PRIM2: variants seen among roughly 807,000 people sequenced by gnomAD.
PRIM2 encodes the protein DNA primase subunit 2.
Under a neutral mutation model 67.3 loss-of-function variants are expected in PRIM2, and 39 were observed. The ratio of observed to expected loss-of-function variants is 0.58; its 90% CI spans 0.45 to 0.76. PRIM2 has a LOEUF of 0.76. Among genes scored for constraint, PRIM2 ranks in the 30% least tolerant of loss-of-function variants. PRIM2 has a pLI of 0.00. For synonymous variants in PRIM2, 143 were observed against 198.7 expected, an observed-to-expected ratio of 0.72 and a Z score of 2.36; for missense variants, 398 against 598.7, an observed-to-expected ratio of 0.66 and a Z score of 3.50.
At chr6:57,296,148 C>T in the PRIM2 span, among the ~76,000 whole-genome samples, 1 of 152,116 alleles carries the variant, frequency 6.6e-6, no homozygotes, top group African/African-American at 2.4e-5. Context: ...AAGAACAAAT[C>T]TCAATAACTC....
intron 7 of PRIM2, among the ~76,000 whole-genome samples, chr6:57,401,091 T>C (rs1770691056): frequency 6.6e-6 from 1 of 152,216 alleles, no homozygotes; most frequent in African/African-American, 2.4e-5. Flanking sequence ...TTGAACTTTA[T>C]TTCCGTCATT....
At chr6:57,409,158 C>T (rs1370199179) in intron 7 of PRIM2, among the ~76,000 whole-genome samples, 11 of 151,384 alleles carry the variant, frequency 7.3e-5, no homozygotes, top group Admixed American at 2.6e-4. Flanking sequence ...AATAAAACTG[C>T]TGTGAATATT....
intron 2 of PRIM2, among the ~76,000 whole-genome samples, chr6:57,319,116 C>T (rs1196078230): frequency 6.6e-6 from 1 of 152,170 alleles, no homozygotes; most frequent in Non-Finnish European, 1.5e-5. Flanking sequence ...ATGGCCTATG[C>T]AAAGGCTTGG....
the PRIM2 span, among the ~76,000 whole-genome samples, chr6:57,280,800 C>T: frequency 6.6e-6 from 1 of 152,136 alleles, no homozygotes; most frequent in Admixed American, 6.5e-5. Flanking sequence ...AGCCACCATA[C>T]CCAGCATGTA....
intron 8 of PRIM2, among the ~76,000 whole-genome samples, chr6:57,529,851 TTC>T (rs1180838700): frequency 6.6e-6 from 1 of 152,210 alleles, no homozygotes; most frequent in African/African-American, 2.4e-5. Context: ...ACAAATTTAT[TTC>T]TTACACTTAT....
intron 8 of PRIM2, 39 bp from the exon 9 acceptor site, chr6:57,532,372 T>A (rs1774910378): frequency 8.6e-6 from 8 of 933,222 alleles, no homozygotes; most frequent in Non-Finnish European, 1.2e-5. Context: ...AAAAGTATTT[T>A]ATGAATCTGT....
At chr6:57,455,211 T>C (rs1243130233) in intron 7 of PRIM2, among the ~76,000 whole-genome samples, 19 of 152,220 alleles carry the variant, frequency 1.2e-4, no homozygotes, top group Non-Finnish European at 2.6e-4. Context: ...TCCAACTATG[T>C]GGTCCATTTT....
intron 7 of PRIM2, among the ~76,000 whole-genome samples, chr6:57,478,337 GT>G (rs1170764739): frequency 0.42 from 54,947 of 129,982 alleles, 11,667 homozygotes; most frequent in African/African-American, 0.67. Flanking sequence ...TTTTTTTTTT[GT>G]TTTTTTTTTT....
rs1300008912 is a variant in PRIM2 at position 57,467,530 on chromosome 6, C to T, written c.694-39857C>T. Among the ~76,000 whole-genome samples the T allele has an allele frequency of 5.9e-5, 9 of 152,150 alleles. No individual in the cohort carries two copies. The East Asian group carries it at 7.7e-4, about 13-fold the overall frequency. ...ACCATGCTGTTTTGGTTACTGTAGC[C>T]GTATAGTATAGTTTGAAGTCAGGTA... On this transcript the variant is annotated intron_variant, in intron 7 of 13. Coordinates refer to ENST00000615550, the MANE Select transcript of PRIM2 (RefSeq NM_000947.5).
intron 7 of PRIM2, among the ~76,000 whole-genome samples, chr6:57,454,108 G>A (rs1403482459): frequency 4.9e-4 from 75 of 152,268 alleles, no homozygotes; most frequent in African/African-American, 1.8e-3. Context: ...TTCGTGTGTT[G>A]AACCAGCCTT....
chr6:57,329,137 T>G (rs1767968975), intron 5 of PRIM2, among the ~76,000 whole-genome samples: 1 of 152,170 alleles, frequency 6.6e-6, no homozygotes, highest in Admixed American at 6.5e-5. Context: ...AAGGTTTTTT[T>G]TTTTCAGATG....
At chr6:57,403,731 A>G (rs2127357924) in intron 7 of PRIM2, among the ~76,000 whole-genome samples, 1 of 152,112 alleles carries the variant, frequency 6.6e-6, no homozygotes, top group Non-Finnish European at 1.5e-5. Context: ...ATCATATAGA[A>G]ATAATTTTTA....
rs1465028225 is a variant in PRIM2, at chr6:57,577,573, C to T, written c.1021-23520C>T. Among the ~76,000 whole-genome samples, 307 of 151,946 alleles carry T rather than the reference C, an allele frequency of 2.0e-3. 1 individual carries two copies. Among genetic ancestry groups the T allele is most frequent in the Admixed American group, 4.0e-3 (61 of 15,252 alleles). On this transcript the variant is annotated intron_variant, in intron 10 of 13. Coordinates refer to ENST00000615550, the MANE Select transcript of PRIM2 (RefSeq NM_000947.5). ...CCTCCCGAGTAGCTGGGATTACAGG[C>T]GCCCACCACCACGTCCAGCTAATTT...
At chr6:57,346,567 C>G (rs1177945953) in intron 5 of PRIM2, among the ~76,000 whole-genome samples, 1 of 152,150 alleles carries the variant, frequency 6.6e-6, no homozygotes, top group African/African-American at 2.4e-5. Flanking sequence ...ACCCGCCTAC[C>G]TCGGCCTCCC....
At chr6:57,458,692 G>GACAA (rs753615827) in intron 7 of PRIM2, among the ~76,000 whole-genome samples, 19 of 150,624 alleles carry the variant, frequency 1.3e-4, no homozygotes, top group Admixed American at 6.6e-4. Flanking sequence ...TCTCAAAAAA[G>GACAA]ACAAACAAAC....
intron 10 of PRIM2, among the ~76,000 whole-genome samples, chr6:57,600,339 T>G (rs2127491239): frequency 8.1e-5 from 1 of 12,368 alleles, no homozygotes; most frequent in East Asian, 2.4e-3. Flanking sequence ...AGGAAGGGAT[T>G]ATTATTATTA....
At chr6:57,627,547 C>T (rs1380603301) in intron 12 of PRIM2, among the ~76,000 whole-genome samples, 3 of 151,482 alleles carry the variant, frequency 2.0e-5, no homozygotes. Context: ...CACCACCACA[C>T]CCAGCTAATT....
chr6:57,251,481 G>T, the PRIM2 span, among the ~76,000 whole-genome samples: 1 of 152,162 alleles, frequency 6.6e-6, no homozygotes, highest in East Asian at 1.9e-4. Context: ...TCATCCCCTA[G>T]GTTTTTGACT....
chr6:57,351,189 T>C (rs1768846927), intron 5 of PRIM2, among the ~76,000 whole-genome samples: 1 of 151,992 alleles, frequency 6.6e-6, no homozygotes, highest in African/African-American at 2.4e-5. Flanking sequence ...GATTTCTATT[T>C]TTTTTCAGAT....
Sources: allele counts gnomAD v4.1 joint callset (sites outside exome capture counted in the v4.1 genomes callset), GRCh38; gene constraint gnomAD v4.1.1; transcripts MANE v1.5; gene names NCBI Gene and HGNC (gene_info 2026-07-23, HGNC 2026-07-21).